Variants in SCFD2 observed in about 807,000 individuals in gnomAD.
SCFD2 encodes the protein sec1 family domain-containing protein 2.
Under a neutral mutation model 58.9 loss-of-function variants are expected in SCFD2, and 54 were observed. The ratio of observed to expected loss-of-function variants is 0.92; its 90% CI spans 0.74 to 1.15. The LOEUF is 1.15. Ranked by LOEUF, SCFD2 falls within the 50% of genes most tolerant of loss-of-function variation. The pLI, the probability that SCFD2 is intolerant of heterozygous loss-of-function variation, is 0.00. For synonymous variants in SCFD2, 321 were observed against 335.9 expected (o/e 0.96, Z 0.49); for missense variants, 805 against 836.6 (o/e 0.96, Z 0.47).
At chr4:53,182,547 A>C (rs1727604449) in intron 4 of SCFD2, among the ~76,000 whole-genome samples, 1 of 152,184 alleles carries the variant, frequency 6.6e-6, no homozygotes, top group Non-Finnish European at 1.5e-5. Flanking sequence ...AACCATAAAA[A>C]CCCTAGAAGA....
At position 53,365,244 on chromosome 4, in the gene SCFD2, C is replaced by T. The variant is rs145637176; in HGVS notation, c.698G>A (p.Arg233Gln). Residue 233 changes from arginine to glutamine, a missense_variant, in exon 1 of 9, where the codon CGG becomes CAG. Physicochemically the swap from Arg to Gln is conservative, Grantham distance 43. This residue lies in a region of SCFD2 where 633 missense variants were observed against 646.8 expected (regional missense o/e 0.98). Transcript: ENST00000401642. The surrounding 1 kb of genome is among the most constrained non-coding windows in gnomAD (Gnocchi z 4.3). The stretch of plus-strand genomic sequence containing the variant: ...GGAACCTACAGCAAAACACTCCTCC[C>T]GTACTCCTAAATGTTCACACAGAGA... ...LSSLCEHLGVREECFAVGSLS... is the reference protein window; with the variant it reads ...LSSLCEHLGVQEECFAVGSLS... 14 of 1,614,054 alleles carry T rather than the reference C, an allele frequency of 8.7e-6. No homozygotes were observed. The highest frequency in any genetic ancestry group is 6.7e-5 in the East Asian group (3 of 44,892).
At chr4:53,194,311 T>C (rs1249713827) in intron 4 of SCFD2, among the ~76,000 whole-genome samples, 1 of 152,212 alleles carries the variant, frequency 6.6e-6, no homozygotes, top group Non-Finnish European at 1.5e-5. Context: ...TATGTTAGCT[T>C]ATACCTCTGA....
intron 4 of SCFD2, among the ~76,000 whole-genome samples, chr4:53,151,441 T>C (rs544627731): frequency 2.6e-5 from 4 of 152,346 alleles, no homozygotes; most frequent in Admixed American, 2.6e-4. Flanking sequence ...TCAGTCACTA[T>C]GCGCAAAAGG....
chr4:53,299,624 C>T (rs939095426), intron 3 of SCFD2, among the ~76,000 whole-genome samples: 1 of 151,924 alleles, frequency 6.6e-6, no homozygotes, highest in Admixed American at 6.6e-5. Context: ...TCGAGAAGAG[C>T]AACTCCAAGA....
At chr4:53,258,755 G>A (rs932386070) in intron 4 of SCFD2, among the ~76,000 whole-genome samples, 1 of 151,796 alleles carries the variant, frequency 6.6e-6, no homozygotes, top group African/African-American at 2.4e-5. Flanking sequence ...TAGTGGGATT[G>A]CTGGGTCAAA....
At chr4:53,353,694 C>G (rs540061009) in intron 1 of SCFD2, among the ~76,000 whole-genome samples, 1 of 151,258 alleles carries the variant, frequency 6.6e-6, no homozygotes, top group Non-Finnish European at 1.5e-5. Flanking sequence ...TAGCTAGACA[C>G]GAAAGTTTTC....
rs534619444 is a variant in SCFD2, at chr4:53,061,098, G to A, written c.1561+84235C>T. Among the ~76,000 whole-genome samples, 478 of 152,168 alleles carry A rather than the reference G, an allele frequency of 3.1e-3. 2 individuals are homozygous for A. The highest frequency in any genetic ancestry group is 0.011 in the African/African-American group (444 of 41,526). On this transcript the variant is annotated intron_variant, in intron 5 of 8. Coordinates refer to ENST00000401642, the MANE Select transcript of SCFD2 (RefSeq NM_152540.4). ...ATAGAAATATAACTCTTTAAAATAT[G>A]CCACAATTTTTATAAACCTGCTTTG... is the stretch of plus-strand genomic sequence containing the variant.
At chr4:53,302,687 C>T (rs1174482592) in intron 3 of SCFD2, among the ~76,000 whole-genome samples, 3 of 152,204 alleles carry the variant, frequency 2.0e-5, no homozygotes, top group African/African-American at 2.4e-5. Flanking sequence ...ATCAAGCTAC[C>T]TGACTTCGAA....
At chr4:53,021,641 G>T (rs1379417084) in intron 5 of SCFD2, among the ~76,000 whole-genome samples, 1 of 152,012 alleles carries the variant, frequency 6.6e-6, no homozygotes, top group Admixed American at 6.6e-5. Context: ...GAGGGTGTTG[G>T]GAAAAGCTCC....
At chr4:53,145,308 T>C (rs374374588) in intron 5 of SCFD2, 25 bp downstream of exon 5, 84 of 1,612,312 alleles carry the variant, frequency 5.2e-5, no homozygotes, top group Non-Finnish European at 6.8e-5. Flanking sequence ...GATGTTTGTG[T>C]CCTGTATCTT....
intron 5 of SCFD2, among the ~76,000 whole-genome samples, chr4:53,107,029 T>C (rs369480681): frequency 2.7e-4 from 41 of 152,276 alleles, no homozygotes; most frequent in African/African-American, 9.4e-4. Context: ...GCAGATATCT[T>C]GGCAGACACC....
chr4:53,281,620 C>T (rs920017321), intron 3 of SCFD2, among the ~76,000 whole-genome samples: 6 of 152,118 alleles, frequency 3.9e-5, no homozygotes, highest in African/African-American at 1.4e-4. Flanking sequence ...ATTGGCTCCT[C>T]AGGAGATGCA....
chr4:53,335,025 C>G (rs146248750), intron 2 of SCFD2, among the ~76,000 whole-genome samples: 43 of 151,952 alleles, frequency 2.8e-4, no homozygotes, highest in Middle Eastern at 6.8e-3. Context: ...AGCAAAACCC[C>G]ATCTCTACTA....
Position 52,885,945 on chromosome 4 carries a change from C to A in SCFD2, c.1843-79G>T, listed in dbSNP as rs1027056994. ...TGCAGCTGGGTACCATCTTCATTGT[C>A]CCTCTGTAGAAACCTCAGGACTACT... On this transcript the variant is annotated intron_variant, in intron 7 of 8. Coordinates refer to ENST00000401642, the MANE Select transcript of SCFD2 (RefSeq NM_152540.4). 1.7e-5 allele frequency: 27 copies of A among 1,559,200 alleles called. No homozygotes were observed. The Admixed American group carries it at 4.6e-4, about 27-fold the overall frequency.
chr4:53,088,480 A>G (rs1724377146), intron 5 of SCFD2, among the ~76,000 whole-genome samples: 1 of 152,214 alleles, frequency 6.6e-6, no homozygotes. Flanking sequence ...ATTTTTCTCA[A>G]GCCTTAAGAT....
chr4:53,307,173 A>G (rs1245778315), intron 3 of SCFD2, among the ~76,000 whole-genome samples: 4 of 152,262 alleles, frequency 2.6e-5, no homozygotes, highest in Non-Finnish European at 4.4e-5. Context: ...AAATGAAAGT[A>G]TTTCAGACAG....
intron 5 of SCFD2, among the ~76,000 whole-genome samples, chr4:53,111,067 T>C (rs1353869114): frequency 6.6e-6 from 1 of 152,112 alleles, no homozygotes; most frequent in Non-Finnish European, 1.5e-5. Context: ...ACCATCATTC[T>C]CAGAAAACTA....
At chr4:53,145,277 A>G in intron 5 of SCFD2, 56 bp downstream of exon 5, 1 of 1,586,404 alleles carries the variant, frequency 6.3e-7, no homozygotes. Flanking sequence ...ATTTATTTTG[A>G]AACCTGTTTC....
At chr4:53,029,997 T>A (rs1722576020) in intron 5 of SCFD2, among the ~76,000 whole-genome samples, 1 of 152,170 alleles carries the variant, frequency 6.6e-6, no homozygotes. Flanking sequence ...AATAAAAATT[T>A]AAAACTTCTG....
Sources: gnomAD v4.1 joint callset for allele counts (sites outside exome capture counted in the v4.1 genomes callset) on GRCh38, gnomAD v4.1.1 for gene constraint, gnomAD v4.1.1 regional missense constraint, Gnocchi (gnomAD v3.1) non-coding constraint, MANE v1.5 for transcripts, NCBI Gene and HGNC (gene_info 2026-07-23, HGNC 2026-07-21) for gene names.